Variants in EIF4G3 observed in about 807,000 individuals in gnomAD.
EIF4G3 encodes eukaryotic translation initiation factor 4 gamma 3, also known as eIF-4-gamma 3.
EIF4G3 carries 34 observed loss-of-function variants against 186.4 expected under a neutral mutation model. The ratio of observed to expected loss-of-function variants is 0.18; its 90% CI spans 0.14 to 0.24. The LOEUF is 0.24. Among genes scored for constraint, EIF4G3 ranks in the 10% least tolerant of loss-of-function variants. The pLI is 1.00. For missense variants in EIF4G3, 1,536 were observed against 1,948.5 expected (o/e 0.79, Z 3.99); for synonymous variants, 673 against 679.5 (o/e 0.99, Z 0.15).
At chr1:21,063,705 T>TGG (rs59671548) in intron 3 of EIF4G3, among the ~76,000 whole-genome samples, 1 of 45,530 alleles carries the variant, frequency 2.2e-5, no homozygotes, top group East Asian at 6.6e-4. Flanking sequence ...CTTTTCATTT[T>TGG]GGGGGGGGGG....
intron 4 of EIF4G3, among the ~76,000 whole-genome samples, chr1:21,048,691 C>A (rs971370933): frequency 6.6e-6 from 1 of 152,096 alleles, no homozygotes; most frequent in South Asian, 2.1e-4. Context: ...AGCTTTCCCT[C>A]GGCACCCTAG....
intron 4 of EIF4G3, among the ~76,000 whole-genome samples, chr1:21,019,030 T>C (rs2090015801): frequency 6.6e-6 from 1 of 152,156 alleles, no homozygotes; most frequent in South Asian, 2.1e-4. Context: ...TGAAAAAAAG[T>C]TTTTTTAAGA....
At chr1:20,908,715 A>C (rs947136311) in intron 14 of EIF4G3, among the ~76,000 whole-genome samples, 9 of 152,198 alleles carry the variant, frequency 5.9e-5, no homozygotes, top group African/African-American at 2.2e-4. Context: ...AGACCTAACA[A>C]CTATCCCTAT....
rs1190471951 is a variant in EIF4G3, at chr1:20,806,741, A to AT, written c.*577dup. On this transcript the variant is annotated 3_prime_UTR_variant, in exon 37 of 37. Coordinates refer to ENST00000602326, the MANE Select transcript of EIF4G3 (RefSeq NM_001391906.1). ...TATGTATGTTTTGATTACTATTGTG[A>AT]TTTTTTAAATTTTCTGAAGCAAGCT... 2 of 150,104 alleles carry AT rather than the reference A, an allele frequency of 1.3e-5. No homozygotes were observed. The highest frequency in any genetic ancestry group is 3.0e-5 in the Non-Finnish European group (2 of 67,494). The allele number at this position is 150,104 out of a possible 1,614,324, so 9.3% of individuals were successfully genotyped here. A position where few individuals can be genotyped will look rare whatever the true frequency, so the allele number is the denominator to read the frequency against.
chr1:21,091,667 T>C (rs928512392), intron 2 of EIF4G3, among the ~76,000 whole-genome samples: 3 of 152,342 alleles, frequency 2.0e-5, no homozygotes, highest in African/African-American at 7.2e-5. Flanking sequence ...TTTTATTTCG[T>C]TGAGCAGTAG....
chr1:20,924,383 TAAGA>T (rs961182584), intron 14 of EIF4G3, among the ~76,000 whole-genome samples: 2 of 152,206 alleles, frequency 1.3e-5, no homozygotes, highest in Non-Finnish European at 2.9e-5. Context: ...AATAAATTCT[TAAGA>T]AATATTTCTG....
chr1:21,144,422 C>CT (rs79741128), intron 2 of EIF4G3, among the ~76,000 whole-genome samples: 651 of 141,588 alleles, frequency 4.6e-3, no homozygotes, highest in Non-Finnish European at 6.2e-3. Context: ...GCACACCCAT[C>CT]TTTTTTTTTT....
At chr1:21,047,500 A>G (rs895594912) in intron 4 of EIF4G3, among the ~76,000 whole-genome samples, 6 of 152,136 alleles carry the variant, frequency 3.9e-5, no homozygotes, top group South Asian at 4.1e-4. Context: ...GTCTAAGACT[A>G]TTGTAATTTG....
At chr1:20,957,147 TGAGAGGAAACCCG>T (rs1223979568) in intron 12 of EIF4G3, among the ~76,000 whole-genome samples, 1 of 151,998 alleles carries the variant, frequency 6.6e-6, no homozygotes, top group Non-Finnish European at 1.5e-5. Flanking sequence ...TCAGAAATGA[TGAGAGGAAACCCG>T]GACACTCAAA....
intron 4 of EIF4G3, among the ~76,000 whole-genome samples, chr1:21,019,077 G>C (rs1391759358): frequency 6.6e-6 from 1 of 152,138 alleles, no homozygotes; most frequent in Non-Finnish European, 1.5e-5. Context: ...GTGGAGTACA[G>C]TGGCACAATC....
intron 32 of EIF4G3, among the ~76,000 whole-genome samples, chr1:20,826,061 C>T (rs1360389853): frequency 1.3e-5 from 2 of 152,316 alleles, no homozygotes; most frequent in South Asian, 2.1e-4. Flanking sequence ...AATTTGAACT[C>T]GGCCATCTGG....
In EIF4G3 at chr1:20,948,227, T is replaced by G. The variant is rs539006162; in HGVS notation, c.823+1776A>C. ...TTATTCTCCACTAAGATTAAAAACA[T>G]TCCGAATTTTGACTCAAAACGACTT... On this transcript the variant is annotated intron_variant, in intron 13 of 36. Coordinates refer to ENST00000602326, the MANE Select transcript of EIF4G3 (RefSeq NM_001391906.1). Among the ~76,000 whole-genome samples, 7 of 152,320 alleles carry G rather than the reference T, an allele frequency of 4.6e-5. No individual in the cohort carries two copies. In the East Asian group the frequency reaches 7.7e-4, roughly 17 times the overall value.
At chr1:20,953,904 G>A (rs529535611) in intron 12 of EIF4G3, among the ~76,000 whole-genome samples, 1 of 152,272 alleles carries the variant, frequency 6.6e-6, no homozygotes, top group South Asian at 2.1e-4. Context: ...TATTGGAAGA[G>A]ACACACCCAT....
chr1:21,018,124 T>TTTA (rs1328816801), intron 4 of EIF4G3, among the ~76,000 whole-genome samples: 1 of 152,012 alleles, frequency 6.6e-6, no homozygotes, highest in Non-Finnish European at 1.5e-5. Context: ...AAAAAAATCT[T>TTTA]TTATAGAGAC....
intron 4 of EIF4G3, among the ~76,000 whole-genome samples, chr1:21,036,658 T>C (rs920234555): frequency 1.3e-5 from 2 of 152,150 alleles, no homozygotes; most frequent in African/African-American, 2.4e-5. Context: ...GGCAGGTGGA[T>C]TGCTTGAGCT....
At chr1:20,864,379 C>T (rs910177035) in intron 22 of EIF4G3, 97 bp downstream of exon 22, 2 of 899,880 alleles carry the variant, frequency 2.2e-6, no homozygotes, top group Non-Finnish European at 3.5e-6. Context: ...ACAGCCCAGA[C>T]CTTTGGGAAA....
chr1:20,853,516 C>G (rs2073982839), intron 27 of EIF4G3, 44 bp downstream of exon 27: 1 of 1,320,902 alleles, frequency 7.6e-7, no homozygotes, highest in Non-Finnish European at 1.1e-6. Context: ...CACATACTGG[C>G]AAGCGGGCCA....
chr1:21,153,881 T>C (rs1313437165), intron 2 of EIF4G3, among the ~76,000 whole-genome samples: 1 of 151,992 alleles, frequency 6.6e-6, no homozygotes, highest in African/African-American at 2.4e-5. Flanking sequence ...CATTTCATTA[T>C]ACTTCAAACA....
At chr1:21,152,441 C>T (rs565892221) in intron 2 of EIF4G3, among the ~76,000 whole-genome samples, 1 of 149,134 alleles carries the variant, frequency 6.7e-6, no homozygotes, top group Admixed American at 6.7e-5. Flanking sequence ...TGGAATCAAA[C>T]TTGCTAACAC....
Sources: allele counts gnomAD v4.1 joint callset (sites outside exome capture counted in the v4.1 genomes callset), GRCh38; gene constraint gnomAD v4.1.1; transcripts MANE v1.5; gene names NCBI Gene and HGNC (gene_info 2026-07-23, HGNC 2026-07-21).